Variants in ACACA observed in about 807,000 individuals in gnomAD.
ACACA encodes acetyl-CoA carboxylase 1.
Under a neutral mutation model 296.1 loss-of-function variants are expected in ACACA, and 103 were observed. The ratio of observed to expected loss-of-function variants is 0.35; its 90% CI spans 0.30 to 0.41. The LOEUF is 0.41. ACACA is among the 10% of genes least tolerant of loss of function. ACACA has a pLI of 1.00. For missense variants in ACACA, 1,554 were observed against 2,989.7 expected (o/e 0.52, Z 11.20); for synonymous variants, 953 against 1,038.6 (o/e 0.92, Z 1.58).
At chr17:37,165,955 G>A (rs948364204) in intron 41 of ACACA, among the ~76,000 whole-genome samples, 4 of 152,020 alleles carry the variant, frequency 2.6e-5, no homozygotes, top group Non-Finnish European at 5.9e-5. Flanking sequence ...GGGATTATAG[G>A]CGTGAGCCAC....
intron 3 of ACACA, among the ~76,000 whole-genome samples, chr17:37,293,986 A>G (rs2083206819): frequency 6.6e-6 from 1 of 152,206 alleles, no homozygotes; most frequent in South Asian, 2.1e-4. Context: ...TTCCTTGCTA[A>G]CCATGTTTTT....
At chr17:37,264,810 T>C (rs559124792) in intron 10 of ACACA, among the ~76,000 whole-genome samples, 1 of 152,236 alleles carries the variant, frequency 6.6e-6, no homozygotes, top group African/African-American at 2.4e-5. Context: ...TGTTTTGCCA[T>C]GTAGCAAGTC....
intron 1 of ACACA, among the ~76,000 whole-genome samples, chr17:37,340,838 G>A (rs527346851): frequency 3.9e-5 from 6 of 152,198 alleles, no homozygotes; most frequent in Non-Finnish European, 8.8e-5. Flanking sequence ...GCAAGTGACT[G>A]CAGACTTGAA....
intron 3 of ACACA, among the ~76,000 whole-genome samples, chr17:37,327,912 C>A (rs544577095): frequency 1.3e-5 from 2 of 152,218 alleles, no homozygotes; most frequent in African/African-American, 4.8e-5. Context: ...AACCCCCCAA[C>A]ACACTTCCAA....
At chr17:37,374,710 T>C (rs917329387) in intron 1 of ACACA, among the ~76,000 whole-genome samples, 4 of 152,302 alleles carry the variant, frequency 2.6e-5, no homozygotes, top group Admixed American at 2.6e-4. Context: ...TAGGAAAACC[T>C]TCCCAAGCCA....
At chr17:37,091,973 A>G (rs571840270) in intron 54 of ACACA, among the ~76,000 whole-genome samples, 3 of 152,182 alleles carry the variant, frequency 2.0e-5, no homozygotes, top group East Asian at 1.9e-4. Context: ...GGAAGAAGCC[A>G]TTATTATTTC....
chr17:37,143,460 C>T (rs7212170), intron 45 of ACACA: 4,701 of 251,790 alleles, frequency 0.019, 80 homozygotes, highest in Middle Eastern at 0.029. Context: ...CAACCCCCAT[C>T]CTGTACCAGG....
chr17:37,118,137 T>A (rs1020086140), intron 50 of ACACA, among the ~76,000 whole-genome samples: 2 of 152,212 alleles, frequency 1.3e-5, no homozygotes, highest in African/African-American at 4.8e-5. Context: ...GGGATCTCTA[T>A]CTTCCCTAAG....
intron 1 of ACACA, among the ~76,000 whole-genome samples, chr17:37,394,161 TCTGTGGAAGTGCCAATTATTC>T (rs1468994746): frequency 6.6e-6 from 1 of 152,136 alleles, no homozygotes; most frequent in Non-Finnish European, 1.5e-5. Context: ...AAACACTGTT[TCTGTGGAAGTGCCAATTATTC>T]CTGTGGAATT....
intron 35 of ACACA, among the ~76,000 whole-genome samples, chr17:37,199,327 AAAT>A (rs1215323782): frequency 2.6e-5 from 4 of 152,140 alleles, no homozygotes; most frequent in African/African-American, 9.7e-5. Flanking sequence ...AATTTTTATG[AAAT>A]ATTTTGATTA....
chr17:37,192,355 A>C, intron 36 of ACACA, 50 bp from the exon 37 acceptor site: 1 of 1,515,896 alleles, frequency 6.6e-7, no homozygotes, highest in Non-Finnish European at 9.1e-7. Context: ...CAGTTACAAA[A>C]TTATACTATG....
intron 50 of ACACA, among the ~76,000 whole-genome samples, chr17:37,119,638 A>C (rs1485196951): frequency 7.5e-6 from 1 of 133,984 alleles, no homozygotes; most frequent in East Asian, 2.5e-4. Context: ...ACACACACAC[A>C]CACAATCAAC....
At chr17:37,164,681 T>G (rs1482861881) in intron 41 of ACACA, among the ~76,000 whole-genome samples, 1 of 152,202 alleles carries the variant, frequency 6.6e-6, no homozygotes, top group Non-Finnish European at 1.5e-5. Context: ...GGAGAAATGC[T>G]TTATCTGCCT....
In ACACA at chr17:37,326,295, G is replaced by A. The variant is rs143145657; in HGVS notation, c.338+3878C>T. Among the ~76,000 whole-genome samples the A allele has an allele frequency of 9.0e-4, 137 of 152,092 alleles. 1 individual carries two copies. Among genetic ancestry groups the A allele is most frequent in the African/African-American group, 3.3e-3 (135 of 41,486 alleles). ...TCATGCCTGTAATCTCAGCACTTTG[G>A]GAGGCCAAGGCAGGTGGATCACCTG... On this transcript the variant is annotated intron_variant, in intron 3 of 55. Coordinates refer to ENST00000616317, the MANE Select transcript of ACACA (RefSeq NM_198834.3).
At chr17:37,386,373 C>T (rs111580333) in intron 1 of ACACA, among the ~76,000 whole-genome samples, 9,638 of 152,098 alleles carry the variant, frequency 0.063, 996 homozygotes, top group African/African-American at 0.21. Flanking sequence ...GGGCGGATCA[C>T]CTGTGGTCAG....
At chr17:37,335,723 A>G (rs1252352103) in intron 2 of ACACA, among the ~76,000 whole-genome samples, 3 of 152,186 alleles carry the variant, frequency 2.0e-5, no homozygotes, top group Non-Finnish European at 4.4e-5. Flanking sequence ...AAACTGTCTC[A>G]AGAACTAAAT....
In ACACA at chr17:37,270,692, A is replaced by T. The variant is rs1217400673; in HGVS notation, c.1119+59T>A. ...GGCATCCAAATTATAGTATGAGTTA[A>T]ATCATATATCTCTGATATACATGTT... On this transcript the variant is annotated intron_variant, in intron 10 of 55. Coordinates refer to ENST00000616317, the MANE Select transcript of ACACA (RefSeq NM_198834.3). 3.9e-6 allele frequency: 5 copies of T among 1,287,090 alleles called. No individual in the cohort carries two copies. In the Admixed American group the frequency reaches 8.5e-5, roughly 22 times the overall value. 79.7% of individuals were successfully genotyped at this position (1,287,090 alleles called of 1,614,324 possible).
chr17:37,182,911 G>A (rs895719944), intron 39 of ACACA, among the ~76,000 whole-genome samples: 2 of 152,168 alleles, frequency 1.3e-5, no homozygotes, highest in African/African-American at 4.8e-5. Flanking sequence ...GTCTCAGGCT[G>A]TTTTAAAGAC....
chr17:37,240,525 C>T lies in ACACA; in HGVS notation c.3072G>A (p.Val1024=). ...GCAGGTACTGCCGGAGCAGATCCAT[C>T]ACCACAGCCTTCATGTGGCCTCGGA... is the stretch of plus-strand genomic sequence containing the variant. ...SGIRGHMKAV[V]MDLLRQYLRV... is the part of the protein sequence containing the mutation. The change falls in exon 24 of 56, where the codon GTG becomes GTA. Residue 1024 remains valine (V), a synonymous_variant. Coordinates refer to ENST00000616317, the MANE Select transcript of ACACA (RefSeq NM_198834.3). The T allele has an allele frequency of 1.2e-6, 2 of 1,613,782 alleles. No individual in the cohort carries two copies. Among genetic ancestry groups the T allele is most frequent in the Non-Finnish European group, 8.5e-7 (1 of 1,180,014 alleles).
Sources: gnomAD v4.1 joint callset for allele counts (sites outside exome capture counted in the v4.1 genomes callset) on GRCh38, gnomAD v4.1.1 for gene constraint, MANE v1.5 for transcripts, NCBI Gene and HGNC (gene_info 2026-07-23, HGNC 2026-07-21) for gene names.